MYT1L: variants seen among roughly 807,000 people sequenced by gnomAD.
MYT1L encodes the protein myelin transcription factor 1-like protein.
Under a neutral mutation model 126.7 loss-of-function variants are expected in MYT1L, and 12 were observed. That is an observed-to-expected ratio of 0.09 (90% CI 0.06 to 0.15). The LOEUF (loss-of-function observed/expected upper bound fraction) is 0.15. Among genes scored for constraint, MYT1L ranks in the 10% least tolerant of loss-of-function variants. The pLI is 1.00. For missense variants in MYT1L, 979 were observed against 1,585.2 expected (o/e 0.62, Z 6.49); for synonymous variants, 541 against 604.2 (o/e 0.90, Z 1.53).
intron 21 of MYT1L, chr2:1,828,537 C>G (rs1410411642): frequency 6.6e-6 from 1 of 152,222 alleles, no homozygotes; most frequent in African/African-American, 2.4e-5. Context: ...AGCCCTTCTC[C>G]CTGTTGCCTG....
intron 4 of MYT1L, among the ~76,000 whole-genome samples, chr2:2,004,449 G>C (rs1281328951): frequency 6.9e-6 from 1 of 145,064 alleles, no homozygotes; most frequent in African/African-American, 2.7e-5. Context: ...TTTCCTGCAG[G>C]CGTTCTTTCC....
chr2:2,014,910 G>T (rs902766680), intron 4 of MYT1L, among the ~76,000 whole-genome samples: 1 of 152,214 alleles, frequency 6.6e-6, no homozygotes, highest in Non-Finnish European at 1.5e-5. Context: ...GGTGAGTCAG[G>T]ATACAAGGCT....
chr2:1,935,306 C>A (rs887978010), intron 9 of MYT1L, among the ~76,000 whole-genome samples: 1 of 152,100 alleles, frequency 6.6e-6, no homozygotes, highest in African/African-American at 2.4e-5. Context: ...CAACCCAGTG[C>A]CCTTCTGGGC....
intron 3 of MYT1L, among the ~76,000 whole-genome samples, chr2:2,114,074 A>G (rs72767385): frequency 0.044 from 6,697 of 151,872 alleles, 222 homozygotes; most frequent in Non-Finnish European, 0.067. Flanking sequence ...CCTCCATTAT[A>G]CAGATAGGAA....
intron 4 of MYT1L, among the ~76,000 whole-genome samples, chr2:2,005,139 C>A (rs1007717079): frequency 1.5e-4 from 22 of 150,382 alleles, no homozygotes; most frequent in South Asian, 2.1e-4. Flanking sequence ...TGCATGCATT[C>A]TTTCCTGCAG....
At chr2:2,101,484 T>C (rs946245653) in intron 3 of MYT1L, among the ~76,000 whole-genome samples, 1 of 152,180 alleles carries the variant, frequency 6.6e-6, no homozygotes, top group Non-Finnish European at 1.5e-5. Flanking sequence ...TATCCATTTA[T>C]GTGTTATTAA....
At position 1,876,303 on chromosome 2, in the gene MYT1L, G is replaced by T. The variant is rs377628200; in HGVS notation, c.2711+10236C>A. Reference sequence around the variant, plus strand: ...CCCCAGAGTCTGGGAGAGTGAGAAGGGGTGGGTCTTGGCATCCTCGTCTGT... The same window carrying T: ...CCCCAGAGTCTGGGAGAGTGAGAAGTGGTGGGTCTTGGCATCCTCGTCTGT... On this transcript the variant is annotated intron_variant, in intron 18 of 24. Transcript: ENST00000647738. Among the ~76,000 whole-genome samples, 15 of 152,272 alleles carry T rather than the reference G, an allele frequency of 9.9e-5. No individual in the cohort carries two copies. In the East Asian group the frequency reaches 2.1e-3, roughly 22 times the overall value.
chr2:2,239,523 T>G (rs1481358038), intron 2 of MYT1L, among the ~76,000 whole-genome samples: 2 of 152,246 alleles, frequency 1.3e-5, no homozygotes, highest in African/African-American at 4.8e-5. Context: ...GCTATGAGTT[T>G]GTTTGAAAGG....
At chr2:2,091,184 CTTA>C (rs1449626963) in intron 3 of MYT1L, among the ~76,000 whole-genome samples, 1 of 152,218 alleles carries the variant, frequency 6.6e-6, no homozygotes, top group Non-Finnish European at 1.5e-5. Flanking sequence ...ATCCATAGCA[CTTA>C]TTGTCTTCAA....
At chr2:2,251,090 T>C (rs1303564577) in intron 2 of MYT1L, among the ~76,000 whole-genome samples, 3 of 152,202 alleles carry the variant, frequency 2.0e-5, no homozygotes, top group South Asian at 2.1e-4. Context: ...TAAATGTTAA[T>C]GTATATGATA....
chr2:2,149,694 T>C (rs556667165), intron 3 of MYT1L, among the ~76,000 whole-genome samples: 10 of 152,342 alleles, frequency 6.6e-5, no homozygotes, highest in Non-Finnish European at 7.3e-5. Flanking sequence ...TGAGAACGCA[T>C]TGTTACCCTC....
chr2:1,907,328 C>T (rs1018644137), intron 13 of MYT1L, among the ~76,000 whole-genome samples: 1 of 151,862 alleles, frequency 6.6e-6, no homozygotes. Flanking sequence ...TGGGAGGGGG[C>T]GGTGTGGTAA....
chr2:2,173,025 A>T (rs1296237403), intron 2 of MYT1L, 37 bp from the exon 3 acceptor site: 1 of 152,278 alleles, frequency 6.6e-6, no homozygotes, highest in Non-Finnish European at 1.5e-5. Flanking sequence ...TACCTTAAGT[A>T]AGAGAAGGGA....
At chr2:2,325,407 A>T (rs1356587089) in intron 1 of MYT1L, 3 of 152,248 alleles carry the variant, frequency 2.0e-5, no homozygotes, top group Non-Finnish European at 4.4e-5. Flanking sequence ...AAGAAAGTTA[A>T]AACATTTTTC....
intron 3 of MYT1L, among the ~76,000 whole-genome samples, chr2:2,109,903 A>T (rs1285834538): frequency 8.2e-6 from 1 of 122,144 alleles, no homozygotes; most frequent in South Asian, 2.9e-4. Context: ...ATATATATAT[A>T]TATATATATA....
intron 1 of MYT1L, among the ~76,000 whole-genome samples, chr2:2,329,639 T>C (rs911527672): frequency 3.3e-5 from 5 of 152,216 alleles, no homozygotes; most frequent in African/African-American, 1.2e-4. Flanking sequence ...AAGGATTATA[T>C]AACAACTGTT....
chr2:2,029,402 T>C (rs373212163), intron 4 of MYT1L, among the ~76,000 whole-genome samples: 6 of 152,344 alleles, frequency 3.9e-5, no homozygotes, highest in African/African-American at 1.4e-4. Context: ...AGTCACGTCT[T>C]ACATGGCGGC....
At chr2:1,879,558 C>G (rs1470595422) in intron 18 of MYT1L, among the ~76,000 whole-genome samples, 1 of 152,052 alleles carries the variant, frequency 6.6e-6, no homozygotes, top group Non-Finnish European at 1.5e-5. Context: ...TGTAACATGT[C>G]TCATGAAAGG....
At chr2:1,831,224 A>G (rs2040141018) in intron 21 of MYT1L, among the ~76,000 whole-genome samples, 1 of 150,406 alleles carries the variant, frequency 6.6e-6, no homozygotes, top group Non-Finnish European at 1.5e-5. Context: ...CTCCCCCCAG[A>G]TGGAGCTCTG....
Sources: allele counts gnomAD v4.1 joint callset (sites outside exome capture counted in the v4.1 genomes callset), GRCh38; gene constraint gnomAD v4.1.1; transcripts MANE v1.5; gene names NCBI Gene and HGNC (gene_info 2026-07-23, HGNC 2026-07-21).